Variants in PLEKHA1 observed in about 807,000 individuals in gnomAD.
PLEKHA1 encodes the protein pleckstrin homology domain containing A1.
Under a neutral mutation model 52.0 loss-of-function variants are expected in PLEKHA1, and 34 were observed. The observed-to-expected ratio is 0.65, with a 90% confidence interval of 0.50 to 0.87. The LOEUF is 0.87. Among genes scored for constraint, PLEKHA1 ranks in the 40% least tolerant of loss-of-function variants. The pLI is 0.00. For missense variants in PLEKHA1, 497 were observed against 504.2 expected (o/e 0.99, Z 0.14); for synonymous variants, 163 against 170.7 (o/e 0.95, Z 0.35).
intron 1 of PLEKHA1, among the ~76,000 whole-genome samples, chr10:122,377,406 A>T (rs922203669): frequency 6.6e-6 from 1 of 152,170 alleles, no homozygotes; most frequent in Non-Finnish European, 1.5e-5. Flanking sequence ...AGATTAAAAA[A>T]TCTTGTTTTA....
downstream of PLEKHA1, chr10:122,433,677 A>G (rs776368639): frequency 2.6e-5 from 4 of 152,184 alleles, no homozygotes; most frequent in Non-Finnish European, 5.9e-5. Context: ...TGTGTGTTCT[A>G]ATATGCTGCT....
intron 11 of PLEKHA1, chr10:122,428,366 A>G (rs377010279): frequency 2.6e-6 from 4 of 1,544,714 alleles, no homozygotes; most frequent in East Asian, 2.4e-5. Context: ...CTCTCACGCA[A>G]ACGTGCCTTC....
chr10:122,411,056 T>A (rs1264162086), intron 5 of PLEKHA1, among the ~76,000 whole-genome samples: 1 of 152,264 alleles, frequency 6.6e-6, no homozygotes, highest in Non-Finnish European at 1.5e-5. Context: ...ACTATCCTAA[T>A]TTTATTTGAC....
chr10:122,402,617 C>A (rs1485079378), intron 4 of PLEKHA1, among the ~76,000 whole-genome samples: 2 of 152,156 alleles, frequency 1.3e-5, no homozygotes. Flanking sequence ...GATACATTTT[C>A]TGGGGAAGCA....
Position 122,429,711 on chromosome 10 carries a change from A to G in PLEKHA1, c.988A>G (p.Ser330Gly), listed in dbSNP as rs746379324. ...CACCTCACATTCCACAGCCTCTCGCAGCAACTCTTTGGTCTCAACCTTTAC... is the reference window on the plus strand; with the variant it reads ...CACCTCACATTCCACAGCCTCTCGCGGCAACTCTTTGGTCTCAACCTTTAC... ...TATSHSTASR[S>G]NSLVSTFTME... Residue 330 changes from serine (S) to glycine (G), a missense_variant, in exon 12 of 12, where the codon AGC becomes GGC. Physicochemically the swap from Ser to Gly is moderately conservative, Grantham distance 56 (BLOSUM62 0). Coordinates refer to ENST00000368990, the MANE Select transcript of PLEKHA1 (RefSeq NM_001001974.4). 6.4e-5 allele frequency: 103 copies of G among 1,614,010 alleles called. 1 individual carries two copies. In the South Asian group the frequency reaches 1.1e-3, roughly 18 times the overall value.
At chr10:122,391,760 G>T (rs7079774) in intron 1 of PLEKHA1, among the ~76,000 whole-genome samples, 3 of 151,430 alleles carry the variant, frequency 2.0e-5, no homozygotes, top group African/African-American at 7.3e-5. Context: ...TACAAACATG[G>T]TAAATTTATT....
chr10:122,441,356 GACT>G, the PLEKHA1 span: 1 of 152,054 alleles, frequency 6.6e-6, no homozygotes, highest in South Asian at 2.1e-4. Context: ...TAGTCCCAGC[GACT>G]TGCATTGCGT....
intron 4 of PLEKHA1, among the ~76,000 whole-genome samples, chr10:122,402,574 C>G (rs1354328800): frequency 6.6e-6 from 1 of 152,138 alleles, no homozygotes; most frequent in Non-Finnish European, 1.5e-5. Flanking sequence ...TGTTCTGCCC[C>G]CACCCCAACT....
chr10:122,402,392 T>C (rs190656986), intron 4 of PLEKHA1, among the ~76,000 whole-genome samples: 4 of 152,300 alleles, frequency 2.6e-5, no homozygotes, highest in Admixed American at 1.3e-4. Flanking sequence ...TGGCAACATA[T>C]CTTCTCTCAG....
intron 1 of PLEKHA1, among the ~76,000 whole-genome samples, chr10:122,380,318 C>A (rs1405958079): frequency 6.6e-6 from 1 of 152,158 alleles, no homozygotes; most frequent in Non-Finnish European, 1.5e-5. Flanking sequence ...TCCCTGCTGT[C>A]ATGGAGCCTA....
chr10:122,382,779 A>G (rs2096632523), intron 1 of PLEKHA1, among the ~76,000 whole-genome samples: 1 of 152,226 alleles, frequency 6.6e-6, no homozygotes, highest in Non-Finnish European at 1.5e-5. Context: ...AATAACAAAT[A>G]AATGTTTTCT....
chr10:122,385,753 C>T (rs1037521223), intron 1 of PLEKHA1, among the ~76,000 whole-genome samples: 2 of 152,198 alleles, frequency 1.3e-5, no homozygotes, highest in Non-Finnish European at 2.9e-5. Flanking sequence ...CCTTTTTGGT[C>T]TGGCTTCTTT....
chr10:122,416,693 C>G (rs2097180693), intron 7 of PLEKHA1, among the ~76,000 whole-genome samples: 1 of 152,070 alleles, frequency 6.6e-6, no homozygotes, highest in Non-Finnish European at 1.5e-5. Context: ...TGCAACATAC[C>G]TTAGTATCTA....
At position 122,400,391 on chromosome 10, in the gene PLEKHA1, A is replaced by G. The variant is rs1269050234; in HGVS notation, c.244+3A>G. ...GCCAAAGGCGGAGTTCTGTTTTGGT[A>G]AGTAGCCATGTTATATATATTTTAA... is the stretch of plus-strand genomic sequence containing the variant. On this transcript the variant is annotated splice_donor_region_variant and intron_variant, in intron 4 of 11. Transcript: ENST00000368990. 2 of 1,605,610 alleles carry G rather than the reference A, an allele frequency of 1.2e-6. No individual in the cohort carries two copies. The highest frequency in any genetic ancestry group is 2.2e-5 in the South Asian group (2 of 89,146).
At chr10:122,440,036 A>T in the PLEKHA1 span, 1 of 152,186 alleles carries the variant, frequency 6.6e-6, no homozygotes, top group Admixed American at 6.5e-5. Context: ...TTGTTCTTCA[A>T]CTCAAAATAT....
rs1178703106 is a variant in PLEKHA1 at position 122,429,622 on chromosome 10, A to C, written c.901-2A>C. On this transcript the variant is annotated splice_acceptor_variant, in intron 11 of 11. Transcript: ENST00000368990. LOFTEE classifies it high-confidence loss of function. ...GTGTCTGACTGCCACTCCTTTTTGC[A>C]GGAGCATCCCCCCGGTCCTTCAGAA... The C allele has an allele frequency of 5.6e-6, 9 of 1,611,092 alleles. No individual in the cohort carries two copies. The highest frequency in any genetic ancestry group is 7.6e-6 in the Non-Finnish European group (9 of 1,178,350).
intron 6 of PLEKHA1, among the ~76,000 whole-genome samples, chr10:122,415,570 T>G (rs1468838776): frequency 2.0e-5 from 3 of 152,202 alleles, no homozygotes; most frequent in Non-Finnish European, 2.9e-5. Context: ...GTACTTTTTT[T>G]GGGCAGCTTC....
rs890277118 is a variant in PLEKHA1 at position 122,393,625 on chromosome 10, T to A, written c.141+284T>A. Among the ~76,000 whole-genome samples the A allele has an allele frequency of 1.3e-5, 2 of 152,138 alleles. No homozygotes were observed. The highest frequency in any genetic ancestry group is 2.9e-5 in the Non-Finnish European group (2 of 68,024). ...AAATTAGGTTTTAGAAAATTAGAACTTGAGTCACAGAAAAAAATAACAATT... is the reference window on the plus strand; with the variant it reads ...AAATTAGGTTTTAGAAAATTAGAACATGAGTCACAGAAAAAAATAACAATT... On this transcript the variant is annotated intron_variant, in intron 2 of 11. Transcript: ENST00000368990. The surrounding 1 kb of genome is among the most constrained non-coding windows in gnomAD (Gnocchi z 4.5).
chr10:122,429,439 C>T (rs1426059640), intron 11 of PLEKHA1, among the ~76,000 whole-genome samples, 185 bp from the exon 12 acceptor site: 1 of 151,890 alleles, frequency 6.6e-6, no homozygotes, highest in Admixed American at 6.6e-5. Flanking sequence ...TCTAAAAACG[C>T]GTTGCTTTGG....
Sources: allele counts gnomAD v4.1 joint callset (sites outside exome capture counted in the v4.1 genomes callset), GRCh38; gene constraint gnomAD v4.1.1; non-coding constraint Gnocchi (gnomAD v3.1); transcripts MANE v1.5; gene names NCBI Gene and HGNC (gene_info 2026-07-23, HGNC 2026-07-21).